Variants in SAMD7 observed in about 807,000 individuals in gnomAD.
The protein encoded by SAMD7 is sterile alpha motif domain-containing protein 7.
A neutral mutation model predicts 36.7 loss-of-function variants in SAMD7; 34 were observed. The ratio of observed to expected loss-of-function variants is 0.93; its 90% CI spans 0.71 to 1.23. The LOEUF (loss-of-function observed/expected upper bound fraction) is 1.23, where lower values mean the gene tolerates loss of function less well. SAMD7 is among the 50% of genes most tolerant of loss of function. The probability of loss-of-function intolerance (pLI) is 0.00; values close to 1 mark genes in which losing one functional copy is unlikely to be tolerated. For missense variants in SAMD7, 570 were observed against 546.6 expected (o/e 1.04, Z -0.43); for synonymous variants, 188 against 189.7 (o/e 0.99, Z 0.07).
intron 3 of SAMD7, among the ~76,000 whole-genome samples, chr3:169,920,543 C>T (rs968464173): frequency 1.8e-4 from 27 of 152,180 alleles, no homozygotes; most frequent in African/African-American, 4.8e-4. Context: ...TTTTTGGTGG[C>T]GAGGCGAAAC....
chr3:169,929,373 A>G (rs1713400462), intron 7 of SAMD7, among the ~76,000 whole-genome samples: 1 of 146,890 alleles, frequency 6.8e-6, no homozygotes, highest in African/African-American at 2.6e-5. Context: ...AAGGATATTA[A>G]GGTTTAACTA....
intron 3 of SAMD7, among the ~76,000 whole-genome samples, chr3:169,920,088 C>T (rs1454656466): frequency 1.3e-5 from 2 of 152,304 alleles, no homozygotes; most frequent in East Asian, 1.9e-4. Flanking sequence ...GCGGGAGAAT[C>T]GCTTGAACCC....
chr3:169,926,934 A>G lies in SAMD7; in HGVS notation c.672A>G (p.Ala224=). 8.1e-6 allele frequency: 13 copies of G among 1,614,028 alleles called. No homozygotes were observed. The highest frequency in any genetic ancestry group is 1.1e-5 in the Non-Finnish European group (13 of 1,179,978). Reference sequence around the variant, plus strand: ...TTCCCTATGAAGAGGATCATTATGCAAAAGACCCAGACATTGAAGCACCCA... The same window carrying G: ...TTCCCTATGAAGAGGATCATTATGCGAAAGACCCAGACATTGAAGCACCCA... The part of the protein sequence containing the change: ...HAVPYEEDHY[A]KDPDIEAPSN... Residue 224 remains alanine, a synonymous_variant, in exon 6 of 9, where the codon GCA becomes GCG. Transcript: ENST00000335556.
At chr3:169,914,939 C>G (rs1374416049) in intron 1 of SAMD7, among the ~76,000 whole-genome samples, 2 of 152,198 alleles carry the variant, frequency 1.3e-5, no homozygotes, top group Non-Finnish European at 2.9e-5. Context: ...GTCACCATTG[C>G]TGCCCTACCT....
intron 8 of SAMD7, among the ~76,000 whole-genome samples, chr3:169,937,453 CT>C: frequency 6.6e-6 from 1 of 152,264 alleles, no homozygotes; most frequent in African/African-American, 2.4e-5. Flanking sequence ...GTTCCCCTCC[CT>C]ATGTCCATGT....
rs1713832256 is a variant in SAMD7 at position 169,939,103 on chromosome 3, A to G, written c.*597A>G. The stretch of plus-strand genomic sequence containing the variant: ...TTTGGGAGTCTGAGGCGGGCGGATC[A>G]TGAGGTCAGGAGATTAAGACCAGCT... On this transcript the variant is annotated 3_prime_UTR_variant, in exon 9 of 9. Transcript: ENST00000335556. 2.0e-5 allele frequency: 3 copies of G among 152,194 alleles called. 1 individual carries two copies. In the South Asian group the frequency reaches 6.2e-4, roughly 32 times the overall value. The allele number at this position is 152,194 out of a possible 1,614,324, so 9.4% of individuals were successfully genotyped here.
intron 2 of SAMD7, among the ~76,000 whole-genome samples, chr3:169,918,918 G>A (rs150787929): frequency 0.013 from 1,921 of 152,282 alleles, 21 homozygotes; most frequent in Non-Finnish European, 0.017. Context: ...AGGCTGAGGC[G>A]GGTGGATCAC....
chr3:169,925,956 G>T (rs1003810241), intron 5 of SAMD7, among the ~76,000 whole-genome samples: 3 of 152,100 alleles, frequency 2.0e-5, no homozygotes, highest in African/African-American at 7.2e-5. Flanking sequence ...CCCAACAGTG[G>T]CCTTCAGCTA....
At chr3:169,932,849 G>A in intron 7 of SAMD7, 1 of 606,506 alleles carries the variant, frequency 1.6e-6, no homozygotes, top group South Asian at 1.5e-5. Context: ...AGCTGTCTTT[G>A]ATTACCTGAT....
chr3:169,931,031 A>G (rs1225997923), intron 7 of SAMD7, among the ~76,000 whole-genome samples: 1 of 152,216 alleles, frequency 6.6e-6, no homozygotes, highest in African/African-American at 2.4e-5. Flanking sequence ...AGGTAGAAAA[A>G]GAAATTCAGC....
At chr3:169,927,249 T>A in intron 6 of SAMD7, 68 bp downstream of exon 6, 1 of 864,478 alleles carries the variant, frequency 1.2e-6, no homozygotes, top group Non-Finnish European at 1.7e-6. Flanking sequence ...GGTTACTACA[T>A]AATAAACTGT....
At chr3:169,927,218 C>A in intron 6 of SAMD7, 37 bp downstream of exon 6, 1 of 1,479,110 alleles carries the variant, frequency 6.8e-7, no homozygotes, top group Non-Finnish European at 9.0e-7. Context: ...TCCTCATTAA[C>A]TACAGGTTGC....
intron 7 of SAMD7, among the ~76,000 whole-genome samples, chr3:169,935,359 A>G (rs997078105): frequency 6.6e-6 from 1 of 152,206 alleles, no homozygotes; most frequent in African/African-American, 2.4e-5. Flanking sequence ...ATGAGGACCC[A>G]CAGTATATGT....
chr3:169,917,617 A>ATTTG (rs1220664724), intron 2 of SAMD7, among the ~76,000 whole-genome samples: 3,855 of 127,954 alleles, frequency 0.03, 176 homozygotes, highest in African/African-American at 0.11. Flanking sequence ...TTTTATTTTT[A>ATTTG]TTTGTTTGTT....
chr3:169,929,307 C>T (rs1343915729), intron 7 of SAMD7, among the ~76,000 whole-genome samples: 5 of 151,592 alleles, frequency 3.3e-5, no homozygotes, highest in Non-Finnish European at 7.4e-5. Flanking sequence ...CAATAAAGTG[C>T]CTACTAAATC....
intron 7 of SAMD7, chr3:169,932,338 TTAC>T (rs746194617): frequency 2.7e-4 from 185 of 688,814 alleles, no homozygotes; most frequent in Non-Finnish European, 4.9e-4. Context: ...GCTGAAAGCC[TTAC>T]TGATCCTTGA....
chr3:169,936,976 A>G (rs1713742908), intron 8 of SAMD7, among the ~76,000 whole-genome samples: 1 of 152,232 alleles, frequency 6.6e-6, no homozygotes, highest in Admixed American at 6.5e-5. Context: ...GAGCAGAAGT[A>G]ATAATAATAG....
At chr3:169,919,743 A>G (rs1712967150) in intron 3 of SAMD7, among the ~76,000 whole-genome samples, 159 bp downstream of exon 3, 1 of 152,248 alleles carries the variant, frequency 6.6e-6, no homozygotes, top group South Asian at 2.1e-4. Flanking sequence ...CCTCACCTTC[A>G]AGACATCTGC....
chr3:169,928,904 A>C (rs1162742023), intron 7 of SAMD7, among the ~76,000 whole-genome samples: 1 of 152,250 alleles, frequency 6.6e-6, no homozygotes, highest in Non-Finnish European at 1.5e-5. Context: ...TAACGACTAC[A>C]TTCCCTACTT....
Sources: allele counts gnomAD v4.1 joint callset (sites outside exome capture counted in the v4.1 genomes callset), GRCh38; gene constraint gnomAD v4.1.1; transcripts MANE v1.5; gene names NCBI Gene and HGNC (gene_info 2026-07-23, HGNC 2026-07-21).